The following TMEM150B variants were observed in gnomAD, a reference collection of about 807,000 sequenced individuals.
TMEM150B encodes the protein modulator of macroautophagy TMEM150B.
A neutral mutation model predicts 25.2 loss-of-function variants in TMEM150B; 33 were observed. That is an observed-to-expected ratio of 1.31 (90% CI 0.99 to 1.75). TMEM150B has a LOEUF of 1.75. TMEM150B is among the 40% of genes most tolerant of loss of function. The pLI is 0.00. For synonymous variants in TMEM150B, 133 were observed against 134.8 expected (o/e 0.99, Z 0.09); for missense variants, 322 against 306.1 (o/e 1.05, Z -0.39).
chr19:55,316,592 T>C (rs2089008775), intron 7 of TMEM150B, among the ~76,000 whole-genome samples, 194 bp downstream of exon 7: 1 of 149,480 alleles, frequency 6.7e-6, no homozygotes, highest in African/African-American at 2.5e-5. Flanking sequence ...CCAGCTGCTG[T>C]GTGGAGGACA....
At chr19:55,323,535 C>G (rs1487649809) in intron 1 of TMEM150B, among the ~76,000 whole-genome samples, 1 of 151,672 alleles carries the variant, frequency 6.6e-6, no homozygotes, top group Non-Finnish European at 1.5e-5. Flanking sequence ...CAGAGTCTCC[C>G]TCTGTCACCC....
intron 7 of TMEM150B, among the ~76,000 whole-genome samples, chr19:55,315,923 C>G (rs2088984297): frequency 6.6e-6 from 1 of 152,108 alleles, no homozygotes; most frequent in African/African-American, 2.4e-5. Context: ...GAGCAAGACT[C>G]TGTCTCAAAA....
chr19:55,320,945 G>A, intron 3 of TMEM150B, 24 bp downstream of exon 3: 5 of 1,612,530 alleles, frequency 3.1e-6, no homozygotes, highest in Non-Finnish European at 4.2e-6. Flanking sequence ...AGACCCAGGA[G>A]TCCATCATGC....
downstream of TMEM150B, chr19:55,312,033 A>T: frequency 6.7e-7 from 1 of 1,494,726 alleles, no homozygotes; most frequent in Non-Finnish European, 8.9e-7. Context: ...CAAGGACAAG[A>T]AGCTCCTGGC....
At chr19:55,311,440 G>T (rs2088791910), downstream of TMEM150B, among the ~76,000 whole-genome samples, 1 of 152,138 alleles carries the variant, frequency 6.6e-6, no homozygotes, top group Non-Finnish European at 1.5e-5. Flanking sequence ...CCCAGCATGA[G>T]GGGCCTGAGA....
chr19:55,319,943 GC>G lies in TMEM150B; in HGVS notation c.324+95del, dbSNP rs2089147035. 3.8e-6 allele frequency: 6 copies of G among 1,562,334 alleles called. No homozygotes were observed. The Admixed American group carries it at 5.8e-5, about 15-fold the overall frequency. On this transcript the variant is annotated intron_variant, in intron 6 of 7. Coordinates refer to ENST00000326652, the MANE Select transcript of TMEM150B (RefSeq NM_001282011.2). ...TCCCAGGAGGGCCGGGCGGGAACCA[GC>G]CCCCGAGACAATAAGCCTATGGCCA...
In TMEM150B at chr19:55,312,895, C is replaced by CG. The variant is rs753990095; in HGVS notation, c.665dup (p.Pro223AlafsTer?). ...CCGGCAGGGAGATGGGGGAGGCCGGCGGGGGGCTGAGGCTGGGCCACGGCT... is the reference window on the plus strand; with the variant it reads ...CCGGCAGGGAGATGGGGGAGGCCGGCGGGGGGGCTGAGGCTGGGCCACGGCT... On this transcript the variant is annotated frameshift_variant, in exon 8 of 8. Coordinates refer to ENST00000326652, the MANE Select transcript of TMEM150B (RefSeq NM_001282011.2). LOFTEE classifies it low-confidence loss of function (END_TRUNC). The CG allele has an allele frequency of 6.2e-6, 10 of 1,600,566 alleles. No homozygotes were observed. The highest frequency in any genetic ancestry group is 2.3e-5 in the East Asian group (1 of 44,190).
downstream of TMEM150B, among the ~76,000 whole-genome samples, chr19:55,310,318 G>A (rs1012246435): frequency 1.3e-5 from 2 of 152,058 alleles, no homozygotes; most frequent in Admixed American, 6.6e-5. The surrounding 1 kb of genome is among the most constrained non-coding windows in gnomAD (Gnocchi z 5.0). Flanking sequence ...GTTAAGGCCC[G>A]TTCCTCCATC....
Position 55,316,883 on chromosome 19 carries a change from G to C in TMEM150B, c.408C>G (p.Leu136=), listed in dbSNP as rs1243001363. ...GGGGCAGCCTCTTCAGCCTCCACAG[G>C]AGGAGCTGCAGCCAGAAGTAGACGT... ...LGNVYFWLQL[L]LWRLKRLPQP... The change falls in exon 7 of 8, where the codon CTC becomes CTG. Residue 136 remains leucine (L), a synonymous_variant. Coordinates refer to ENST00000326652, the MANE Select transcript of TMEM150B (RefSeq NM_001282011.2). 6.2e-7 allele frequency: 1 copy of C among 1,604,684 alleles called. No individual in the cohort carries two copies. Among genetic ancestry groups the C allele is most frequent in the South Asian group, 1.1e-5 (1 of 89,474 alleles).
intron 6 of TMEM150B, among the ~76,000 whole-genome samples, chr19:55,317,244 GGACA>G (rs1429014245): frequency 6.6e-6 from 1 of 152,078 alleles, no homozygotes; most frequent in African/African-American, 2.4e-5. Context: ...TCAAGGCGGG[GGACA>G]GACATTTCCC....
chr19:55,320,560 G>A lies in TMEM150B; in HGVS notation c.126C>T (p.Ile42=). 1 of 1,614,038 alleles carries A rather than the reference G, an allele frequency of 6.2e-7. No homozygotes were observed. Among genetic ancestry groups the A allele is most frequent in the Admixed American group, 1.7e-5 (1 of 60,004 alleles). ...TCCCTACCCTCGGGCAGAATTACCTGATGTAGGGAAAGCCTTTACTGAGGT... is the reference window on the plus strand; with the variant it reads ...TCCCTACCCTCGGGCAGAATTACCTAATGTAGGGAAAGCCTTTACTGAGGT... ...TVDLSKGFPY[I]SICGSFPPQS... is the part of the protein sequence containing the mutation. The change falls in exon 4 of 8, where the codon ATC becomes ATT. Residue 42 remains isoleucine (I), a splice_region_variant and synonymous_variant. Coordinates refer to ENST00000326652, the MANE Select transcript of TMEM150B (RefSeq NM_001282011.2).
chr19:55,311,947 C>T, downstream of TMEM150B: 1 of 1,610,622 alleles, frequency 6.2e-7, no homozygotes, highest in Non-Finnish European at 8.5e-7. Flanking sequence ...CCTGCTGGTG[C>T]CCCACCCCGA....
rs115584514 is a variant in TMEM150B at position 55,324,960 on chromosome 19, A to G, written c.-154+312T>C. 2.4e-3 allele frequency: 2,049 copies of G among 842,416 alleles called. 21 individuals carry two copies. In the African/African-American group the frequency reaches 0.031, roughly 13 times the overall value. The allele number at this position is 842,416 out of a possible 1,614,324, so 52.2% of individuals were successfully genotyped here. On this transcript the variant is annotated intron_variant, in intron 1 of 7. Coordinates refer to ENST00000326652, the MANE Select transcript of TMEM150B (RefSeq NM_001282011.2). Reference sequence around the variant, plus strand: ...CCCAGGGGAGGGAGGGGTCCATGCTACCTGCTCCTCCGTCGGCCCTCAACA... The same window carrying G: ...CCCAGGGGAGGGAGGGGTCCATGCTGCCTGCTCCTCCGTCGGCCCTCAACA...
At chr19:55,316,309 G>A (rs1027700983) in intron 7 of TMEM150B, among the ~76,000 whole-genome samples, 1 of 151,944 alleles carries the variant, frequency 6.6e-6, no homozygotes, top group African/African-American at 2.4e-5. Context: ...AACCTCACGC[G>A]CATCCTGGCC....
At chr19:55,319,270 C>T (rs957560550) in intron 6 of TMEM150B, among the ~76,000 whole-genome samples, 1 of 151,522 alleles carries the variant, frequency 6.6e-6, no homozygotes, top group Non-Finnish European at 1.5e-5. Context: ...TGCCACCACC[C>T]CTAGCTAATT....
Position 55,313,058 on chromosome 19 carries a change from GC to G in TMEM150B, c.506-4del, listed in dbSNP as rs1319575329. 2 of 1,607,276 alleles carry G rather than the reference GC, an allele frequency of 1.2e-6. No homozygotes were observed. Among genetic ancestry groups the G allele is most frequent in the Admixed American group, 1.7e-5 (1 of 59,358 alleles). On this transcript the variant is annotated splice_region_variant and splice_polypyrimidine_tract_variant and intron_variant, in intron 7 of 7. Transcript: ENST00000326652. ...CGAGCAGGCGTGGAGGACGATCACT[GC>G]CCCAGGGTCAAGGGCCACACTGCTA...
rs542147143 is a variant in TMEM150B at position 55,324,562 on chromosome 19, C to T, written c.-154+710G>A. Among the ~76,000 whole-genome samples, 998 of 152,198 alleles carry T rather than the reference C, an allele frequency of 6.6e-3. 10 individuals are homozygous for T. The highest frequency in any genetic ancestry group is 0.021 in the African/African-American group (888 of 41,528). On this transcript the variant is annotated intron_variant, in intron 1 of 7. Transcript: ENST00000326652. ...ACTCGGGAGGCTGAGGCAGGAGAAT[C>T]GCTTGAACCCAGGAGGCGGAGGTTG...
At chr19:55,323,119 A>G (rs146886100) in intron 1 of TMEM150B, among the ~76,000 whole-genome samples, 1 of 152,198 alleles carries the variant, frequency 6.6e-6, no homozygotes, top group Non-Finnish European at 1.5e-5. Flanking sequence ...TAAAATCCAC[A>G]TAACATTAGC....
chr19:55,314,180 C>G (rs1407093706), intron 7 of TMEM150B, among the ~76,000 whole-genome samples: 3 of 152,120 alleles, frequency 2.0e-5, no homozygotes, highest in Non-Finnish European at 2.9e-5. Flanking sequence ...TGCCACCACA[C>G]CTGGCTAATT....
Sources: gnomAD v4.1 joint callset for allele counts (sites outside exome capture counted in the v4.1 genomes callset) on GRCh38, gnomAD v4.1.1 for gene constraint, Gnocchi (gnomAD v3.1) non-coding constraint, MANE v1.5 for transcripts, NCBI Gene and HGNC (gene_info 2026-07-23, HGNC 2026-07-21) for gene names.